The following MYH9 variants were observed in gnomAD, a reference collection of about 807,000 sequenced individuals.
The protein encoded by MYH9 is myosin-9.
In MYH9, 29 loss-of-function variants were observed where a neutral mutation model predicts 241.9. The ratio of observed to expected loss-of-function variants is 0.12; its 90% CI spans 0.09 to 0.16. The LOEUF is 0.16. Ranked by LOEUF, MYH9 falls within the 10% of genes least tolerant of loss-of-function variation. The pLI, the probability that MYH9 is intolerant of heterozygous loss-of-function variation, is 1.00. For missense variants in MYH9, 1,803 were observed against 2,595.5 expected (o/e 0.69, Z 6.63); for synonymous variants, 1,047 against 1,062.6 (o/e 0.99, Z 0.29).
In MYH9 at chr22:36,288,218, C is replaced by T. The variant is rs966566657; in HGVS notation, c.4932+34G>A. The T allele has an allele frequency of 3.1e-6, 5 of 1,611,642 alleles. No homozygotes were observed. Among genetic ancestry groups the T allele is most frequent in the East Asian group, 2.2e-5 (1 of 44,870 alleles). ...ATATGTAGTTGGCTCAGTCGGGTGC[C>T]GCCCACCCTCACCTGGGCCCCGCCC... On this transcript the variant is annotated intron_variant, in intron 34 of 40. Coordinates refer to ENST00000216181, the MANE Select transcript of MYH9 (RefSeq NM_002473.6). This position sits in a 1 kb window ranked among gnomAD's most constrained non-coding sequence, Gnocchi z 4.8.
At chr22:36,353,257 A>G (rs1603484148) in intron 1 of MYH9, among the ~76,000 whole-genome samples, 1 of 152,180 alleles carries the variant, frequency 6.6e-6, no homozygotes, top group Non-Finnish European at 1.5e-5. Context: ...TAAAAATTCA[A>G]TAAGGGGCAC....
Position 36,315,229 on chromosome 22 carries a change from C to A in MYH9, c.1381-911G>T, listed in dbSNP as rs142164328. On this transcript the variant is annotated intron_variant, in intron 12 of 40. Coordinates refer to ENST00000216181, the MANE Select transcript of MYH9 (RefSeq NM_002473.6). Reference sequence around the variant, plus strand: ...TCTGATTTCTATTGGTGACAGATCACAAGTACTGCTAATACAACTGTGGTT... The same window carrying A: ...TCTGATTTCTATTGGTGACAGATCAAAAGTACTGCTAATACAACTGTGGTT... 3.3e-3 allele frequency among the ~76,000 whole-genome samples: 500 copies of A among 152,220 alleles called. 3 individuals carry two copies. The highest frequency in any genetic ancestry group is 0.011 in the African/African-American group (472 of 41,508).
intron 14 of MYH9, among the ~76,000 whole-genome samples, chr22:36,310,758 G>A (rs1449355039): frequency 6.6e-6 from 1 of 152,226 alleles, no homozygotes; most frequent in East Asian, 1.9e-4. Flanking sequence ...AGGCCCCTTG[G>A]TGGGCTTTAG....
At chr22:36,359,686 G>A (rs1283655317) in intron 1 of MYH9, among the ~76,000 whole-genome samples, 1 of 152,054 alleles carries the variant, frequency 6.6e-6, no homozygotes, top group Non-Finnish European at 1.5e-5. Context: ...CTACCAGTCC[G>A]ACATACCAGA....
At position 36,296,911 on chromosome 22, in the gene MYH9, C is replaced by T. The variant is rs1229104673; in HGVS notation, c.3204G>A (p.Gln1068=). 5.0e-6 allele frequency: 8 copies of T among 1,613,882 alleles called. No homozygotes were observed. Among genetic ancestry groups the T allele is most frequent in the Non-Finnish European group, 6.8e-6 (8 of 1,179,946 alleles). The change falls in exon 25 of 41, where the codon CAG becomes CAA. Residue 1068 remains glutamine (Q), a synonymous_variant. Transcript: ENST00000216181. Reference sequence around the variant, plus strand: ...GCATCTTGAGCTCCGCGATCTGGGCCTGGAGCTCGGCGATCTGGTCGCTGA... The same window carrying T: ...GCATCTTGAGCTCCGCGATCTGGGCTTGGAGCTCGGCGATCTGGTCGCTGA... ...TDLSDQIAEL[Q]AQIAELKMQL...
chr22:36,354,996 C>CACACACACACAT (rs2017833528), intron 1 of MYH9, among the ~76,000 whole-genome samples: 1 of 151,146 alleles, frequency 6.6e-6, no homozygotes, highest in East Asian at 1.9e-4. Flanking sequence ...CACACACACA[C>CACACACACACAT]ACACAGAGGA....
chr22:36,285,777 G>A lies in MYH9; in HGVS notation c.5155C>T (p.Leu1719=). The part of the protein sequence containing the change: ...EIANSSGKGA[L]ALEEKRRLEA... Reference sequence around the variant, plus strand: ...AGACGCCGCTTCTCCTCTAACGCCAGGGCTCTGCGGGGTGGGCGGGAGAAG... The same window carrying A: ...AGACGCCGCTTCTCCTCTAACGCCAAGGCTCTGCGGGGTGGGCGGGAGAAG... Residue 1719 remains leucine (L), a synonymous_variant, in exon 37 of 41, where the codon CTG becomes TTG. Transcript: ENST00000216181. The surrounding 1 kb of genome is among the most constrained non-coding windows in gnomAD (Gnocchi z 7.0). The A allele has an allele frequency of 6.2e-7, 1 of 1,609,160 alleles. No individual in the cohort carries two copies. The highest frequency in any genetic ancestry group is 8.5e-7 in the Non-Finnish European group (1 of 1,178,112).
Position 36,306,696 on chromosome 22 carries a change from C to A in MYH9, c.1844-89G>T. 1.5e-6 allele frequency: 2 copies of A among 1,291,478 alleles called. No individual in the cohort carries two copies. Among genetic ancestry groups the A allele is most frequent in the Non-Finnish European group, 2.2e-6 (2 of 919,650 alleles). The allele number at this position is 1,291,478 out of a possible 1,614,324, so 80.0% of individuals were successfully genotyped here. ...GTAGGAGAGAGAGACAGGCACACGT[C>A]GGACAGGAAAAGAGGAGACAGAATG... On this transcript the variant is annotated intron_variant, in intron 15 of 40. Transcript: ENST00000216181. This position sits in a 1 kb window ranked among gnomAD's most constrained non-coding sequence, Gnocchi z 4.1.
chr22:36,385,680 G>A (rs2018341067), intron 1 of MYH9, among the ~76,000 whole-genome samples: 1 of 152,160 alleles, frequency 6.6e-6, no homozygotes, highest in African/African-American at 2.4e-5. Context: ...GAGCTCCCCA[G>A]AGCCTGCCAA....
At chr22:36,290,899 C>A (rs2016683357) in intron 31 of MYH9, among the ~76,000 whole-genome samples, 1 of 150,850 alleles carries the variant, frequency 6.6e-6, no homozygotes, top group Admixed American at 6.6e-5. Flanking sequence ...AGTGAGGAGA[C>A]CCTCTGCCTG....
At chr22:36,296,181 T>C (rs1337047290) in intron 25 of MYH9, among the ~76,000 whole-genome samples, 3 of 152,084 alleles carry the variant, frequency 2.0e-5, no homozygotes, top group Admixed American at 6.6e-5. Context: ...AGTGGATAGA[T>C]GGAGAATCTT....
intron 3 of MYH9, among the ~76,000 whole-genome samples, chr22:36,338,189 A>G (rs2017528467): frequency 1.3e-5 from 2 of 151,864 alleles, no homozygotes; most frequent in Non-Finnish European, 2.9e-5. Flanking sequence ...TAGTAGAGAC[A>G]GGGTTTCGCC....
intron 1 of MYH9, among the ~76,000 whole-genome samples, chr22:36,360,056 A>ACCACCACCACCACCACCC (rs2017914805): frequency 8.7e-6 from 1 of 114,364 alleles, no homozygotes; most frequent in Non-Finnish European, 1.8e-5. Flanking sequence ...CACCACCACC[A>ACCACCACCACCACCACCC]CCACCACCAC....
Position 36,295,473 on chromosome 22 carries a change from C to G in MYH9, c.3485+32G>C, listed in dbSNP as rs774833802. On this transcript the variant is annotated intron_variant, in intron 26 of 40. Coordinates refer to ENST00000216181, the MANE Select transcript of MYH9 (RefSeq NM_002473.6). The surrounding 1 kb of genome is among the most constrained non-coding windows in gnomAD (Gnocchi z 4.1). Reference sequence around the variant, plus strand: ...AGCCAAGGCCCCCCTGGCTGCCCTCCCCATCCCGAGGGACTTGGTCCCAGG... The same window carrying G: ...AGCCAAGGCCCCCCTGGCTGCCCTCGCCATCCCGAGGGACTTGGTCCCAGG... The G allele has an allele frequency of 1.3e-6, 2 of 1,597,300 alleles. No homozygotes were observed. The highest frequency in any genetic ancestry group is 3.3e-5 in the Admixed American group (2 of 59,856).
chr22:36,312,028 C>T, intron 14 of MYH9, 21 bp downstream of exon 14: 1 of 1,613,602 alleles, frequency 6.2e-7, no homozygotes, highest in Non-Finnish European at 8.5e-7. Context: ...TGGCCAGCAC[C>T]TCCCCGTGAG....
At chr22:36,283,192 C>T (rs933225447) in intron 40 of MYH9, among the ~76,000 whole-genome samples, 5 of 152,092 alleles carry the variant, frequency 3.3e-5, no homozygotes, top group Non-Finnish European at 5.9e-5. Flanking sequence ...CCTCTTTCTA[C>T]CACATGGCAG....
chr22:36,332,024 G>T lies in MYH9; in HGVS notation c.491-4536C>A, dbSNP rs1489733982. Among the ~76,000 whole-genome samples, 9 of 152,318 alleles carry T rather than the reference G, an allele frequency of 5.9e-5. No homozygotes were observed. In the East Asian group the frequency reaches 1.7e-3, roughly 29 times the overall value. On this transcript the variant is annotated intron_variant, in intron 3 of 40. Transcript: ENST00000216181. ...CTTGCTATATGTGTTGGCACTGTGA[G>T]CCCTGCCCTGCGTTGCCAGGATGGC... is the stretch of plus-strand genomic sequence containing the variant.
intron 3 of MYH9, among the ~76,000 whole-genome samples, chr22:36,341,104 G>C (rs2017580580): frequency 6.6e-6 from 1 of 152,206 alleles, no homozygotes. Context: ...AGGCACAAGA[G>C]CTCTTGAAAA....
chr22:36,309,222 G>C, intron 15 of MYH9, 60 bp downstream of exon 15: 1 of 1,396,502 alleles, frequency 7.2e-7, no homozygotes, highest in African/African-American at 1.4e-5. Context: ...CCACTGTGGA[G>C]GTGGGAAGAT....
Sources: gnomAD v4.1 joint callset for allele counts (sites outside exome capture counted in the v4.1 genomes callset) on GRCh38, gnomAD v4.1.1 for gene constraint, Gnocchi (gnomAD v3.1) non-coding constraint, MANE v1.5 for transcripts, NCBI Gene and HGNC (gene_info 2026-07-23, HGNC 2026-07-21) for gene names.